Variants in MAN1A1 observed in about 807,000 individuals in gnomAD.
The protein encoded by MAN1A1 is mannosidase alpha class 1A member 1, also known as mannosyl-oligosaccharide 1,2-alpha-mannosidase IA.
A neutral mutation model predicts 70.8 loss-of-function variants in MAN1A1; 29 were observed. That is an observed-to-expected ratio of 0.41 (90% CI 0.31 to 0.56). MAN1A1 has a LOEUF of 0.56. Ranked by LOEUF, MAN1A1 falls within the 20% of genes least tolerant of loss-of-function variation. The pLI is 0.29. For synonymous variants in MAN1A1, 349 were observed against 330.1 expected, an observed-to-expected ratio of 1.06 and a Z score of -0.62; for missense variants, 747 against 841.3, an observed-to-expected ratio of 0.89 and a Z score of 1.39.
At chr6:119,225,422 A>G (rs75762507) in intron 6 of MAN1A1, among the ~76,000 whole-genome samples, 55 of 35,454 alleles carry the variant, frequency 1.6e-3, no homozygotes, top group Non-Finnish European at 3.0e-3. Flanking sequence ...AGAGAAAGAG[A>G]AGGAGGAGGA....
At chr6:119,241,673 T>A (rs556950201) in intron 6 of MAN1A1, among the ~76,000 whole-genome samples, 13 of 152,316 alleles carry the variant, frequency 8.5e-5, no homozygotes, top group Admixed American at 7.8e-4. Context: ...AATAATTAAA[T>A]TGACCATCAG....
At chr6:119,269,630 C>T (rs1775861151) in intron 5 of MAN1A1, 1 of 167,122 alleles carries the variant, frequency 6.0e-6, no homozygotes, top group Non-Finnish European at 1.3e-5. Context: ...ACCTTCTGGC[C>T]CAGCAGTACC....
chr6:119,290,690 C>T lies in MAN1A1; in HGVS notation c.890G>A (p.Gly297Glu). The T allele has an allele frequency of 6.2e-7, 1 of 1,608,714 alleles. No homozygotes were observed. The highest frequency in any genetic ancestry group is 2.2e-5 in the East Asian group (1 of 44,698). The change falls in exon 5 of 13, where the codon GGA becomes GAA. Residue 297 changes from glycine (G) to glutamate (E), a missense_variant. Gly to Glu is a moderately conservative substitution (Grantham distance 98, BLOSUM62 -2). Coordinates refer to ENST00000368468, the MANE Select transcript of MAN1A1 (RefSeq NM_005907.4). ...GGLLSAYYLSGEEIFRKKAVE... is the reference protein window; with the variant it reads ...GGLLSAYYLSEEEIFRKKAVE... The stretch of plus-strand genomic sequence containing the variant: ...TACCACTTTTCATCTTACCTCTTCT[C>T]CAGACAGATAGTAGGCTGAGAGTAG...
chr6:119,232,715 G>A (rs1045268345), intron 6 of MAN1A1, among the ~76,000 whole-genome samples: 36 of 126,310 alleles, frequency 2.9e-4, no homozygotes, highest in African/African-American at 8.1e-4. Context: ...GTGTGTGTGT[G>A]TGTATATTTG....
intron 4 of MAN1A1, among the ~76,000 whole-genome samples, chr6:119,301,770 C>T (rs6420705): frequency 0.38 from 57,454 of 152,042 alleles, 11,334 homozygotes; most frequent in Non-Finnish European, 0.41. Flanking sequence ...TAAATACTAA[C>T]TTCTTTTCTC....
intron 2 of MAN1A1, among the ~76,000 whole-genome samples, chr6:119,307,490 T>C (rs1048105275): frequency 6.6e-6 from 1 of 152,216 alleles, no homozygotes; most frequent in African/African-American, 2.4e-5. Flanking sequence ...TGGAGAAGTA[T>C]TTTAAAATAT....
intron 5 of MAN1A1, among the ~76,000 whole-genome samples, chr6:119,254,109 T>C (rs1405976816): frequency 6.6e-6 from 1 of 152,114 alleles, no homozygotes; most frequent in Non-Finnish European, 1.5e-5. Flanking sequence ...AAAATTAAAA[T>C]TGTTGAGAGA....
chr6:119,331,642 T>C (rs975665914), intron 2 of MAN1A1, among the ~76,000 whole-genome samples: 4 of 149,044 alleles, frequency 2.7e-5, no homozygotes, highest in East Asian at 1.9e-4. Flanking sequence ...CTAGTAAATA[T>C]AGTTGTTAAG....
intron 6 of MAN1A1, 76 bp from the exon 7 acceptor site, chr6:119,204,958 A>T: frequency 6.7e-7 from 1 of 1,492,894 alleles, no homozygotes. Flanking sequence ...CAGACATGAA[A>T]TAGACAGCTT....
At chr6:119,188,951 A>G (rs1039739488) in intron 10 of MAN1A1, among the ~76,000 whole-genome samples, 4 of 152,224 alleles carry the variant, frequency 2.6e-5, no homozygotes, top group South Asian at 4.1e-4. Context: ...TCTGATCTGC[A>G]GTTGTGGAAC....
chr6:119,266,873 A>T (rs1775772780), intron 5 of MAN1A1, among the ~76,000 whole-genome samples: 1 of 152,232 alleles, frequency 6.6e-6, no homozygotes, highest in South Asian at 2.1e-4. Context: ...TTATACAAAG[A>T]ACTCTTCAAA....
intron 3 of MAN1A1, among the ~76,000 whole-genome samples, chr6:119,302,377 A>T (rs2114441912): frequency 6.6e-6 from 1 of 151,478 alleles, no homozygotes; most frequent in South Asian, 2.1e-4. Context: ...TAGTGATTGC[A>T]TTCTCTCTCT....
intron 3 of MAN1A1, among the ~76,000 whole-genome samples, chr6:119,305,285 T>G (rs1772497623): frequency 6.6e-6 from 1 of 152,194 alleles, no homozygotes; most frequent in South Asian, 2.1e-4. Context: ...GTCCCTCTGA[T>G]AAAGATTATG....
chr6:119,202,981 G>GCTCT (rs750631483), intron 7 of MAN1A1, among the ~76,000 whole-genome samples: 2 of 131,396 alleles, frequency 1.5e-5, no homozygotes, highest in African/African-American at 2.8e-5. Flanking sequence ...AGACACAAGA[G>GCTCT]CTCTCTCTCT....
intron 9 of MAN1A1, among the ~76,000 whole-genome samples, chr6:119,190,330 G>A (rs1029786236): frequency 1.3e-5 from 2 of 152,016 alleles, no homozygotes; most frequent in African/African-American, 4.8e-5. Flanking sequence ...TTTCACTTCT[G>A]TAGGCTTGGA....
intron 6 of MAN1A1, among the ~76,000 whole-genome samples, chr6:119,246,654 G>T (rs374492274): frequency 6.6e-6 from 1 of 152,008 alleles, no homozygotes; most frequent in African/African-American, 2.4e-5. Flanking sequence ...AATTGTGCAC[G>T]GTGCTTTTGT....
intron 5 of MAN1A1, among the ~76,000 whole-genome samples, chr6:119,255,634 T>G (rs553015171): frequency 9.2e-5 from 14 of 152,212 alleles, no homozygotes; most frequent in Non-Finnish European, 1.6e-4. Context: ...GATACACAGA[T>G]GAGGAAACTG....
intron 5 of MAN1A1, 114 bp from the exon 6 acceptor site, chr6:119,248,468 T>C: frequency 1.6e-6 from 1 of 638,688 alleles, no homozygotes. Context: ...TTTTCTACTT[T>C]TAATATCTGA....
At chr6:119,206,019 T>C (rs1477436351) in intron 6 of MAN1A1, among the ~76,000 whole-genome samples, 2 of 152,074 alleles carry the variant, frequency 1.3e-5, no homozygotes, top group Admixed American at 6.5e-5. Context: ...CAATCCAGCG[T>C]AGTGGGGATG....
Sources: allele counts gnomAD v4.1 joint callset (sites outside exome capture counted in the v4.1 genomes callset), GRCh38; gene constraint gnomAD v4.1.1; transcripts MANE v1.5; gene names NCBI Gene and HGNC (gene_info 2026-07-23, HGNC 2026-07-21).